TRAF3IP1: variants seen among roughly 807,000 people sequenced by gnomAD.
TRAF3IP1 encodes intraflagellar transport 54.
Under a neutral mutation model 89.9 loss-of-function variants are expected in TRAF3IP1, and 53 were observed. The ratio of observed to expected loss-of-function variants is 0.59; its 90% CI spans 0.47 to 0.74. The LOEUF (loss-of-function observed/expected upper bound fraction) is 0.74, where lower values mean the gene tolerates loss of function less well. Ranked by LOEUF, TRAF3IP1 falls within the 30% of genes least tolerant of loss-of-function variation. The pLI is 0.00. For synonymous variants in TRAF3IP1, 311 were observed against 322.1 expected, an observed-to-expected ratio of 0.97 and a Z score of 0.37; for missense variants, 806 against 866.1, an observed-to-expected ratio of 0.93 and a Z score of 0.87.
intron 7 of TRAF3IP1, among the ~76,000 whole-genome samples, chr2:238,338,048 C>T (rs2106376718): frequency 6.6e-6 from 1 of 152,206 alleles, no homozygotes; most frequent in Non-Finnish European, 1.5e-5. Context: ...CCAGAGCTTG[C>T]TGTGGTCCCC....
At chr2:238,344,671 C>G (rs988706957) in intron 9 of TRAF3IP1, 73 bp downstream of exon 9, 3 of 1,337,966 alleles carry the variant, frequency 2.2e-6, no homozygotes, top group Middle Eastern at 1.8e-4. Context: ...TCTCAAAGGG[C>G]CGCAGCCCAG....
chr2:238,389,844 T>C (rs542628175), intron 15 of TRAF3IP1, among the ~76,000 whole-genome samples: 3 of 152,086 alleles, frequency 2.0e-5, no homozygotes, highest in Admixed American at 2.0e-4. Flanking sequence ...ATAATGTGTA[T>C]TTATATGACT....
chr2:238,370,462 CAT>C (rs966390079), intron 15 of TRAF3IP1, among the ~76,000 whole-genome samples: 5 of 152,092 alleles, frequency 3.3e-5, no homozygotes, highest in South Asian at 2.1e-4. Context: ...TGTGTGTGTA[CAT>C]GTGTGTGTGC....
intron 6 of TRAF3IP1, among the ~76,000 whole-genome samples, chr2:238,333,726 T>C (rs1698239396): frequency 6.6e-6 from 1 of 152,174 alleles, no homozygotes; most frequent in South Asian, 2.1e-4. Context: ...TTGACCTTTT[T>C]AGGGCTGTAC....
At position 238,340,819 on chromosome 2, in the gene TRAF3IP1, G is replaced by A. The variant is rs1209114501; in HGVS notation, c.1159+2362G>A. 5.3e-5 allele frequency among the ~76,000 whole-genome samples: 5 copies of A among 94,092 alleles called. No individual in the cohort carries two copies. In the East Asian group the frequency reaches 1.2e-3, roughly 22 times the overall value. 61.7% of individuals were successfully genotyped at this position (94,092 alleles called of 152,430 possible). ...GCTTAATGTACAGTTATGCGTGTGT[G>A]TGTGTGTGTGTGTGTATATATATAT... On this transcript the variant is annotated intron_variant, in intron 8 of 16. Coordinates refer to ENST00000373327, the MANE Select transcript of TRAF3IP1 (RefSeq NM_015650.4).
chr2:238,325,178 T>C lies in TRAF3IP1; in HGVS notation c.124-128T>C, dbSNP rs1212829997. The C allele has an allele frequency of 2.7e-5, 24 of 903,648 alleles. No individual in the cohort carries two copies. The East Asian group carries it at 5.9e-4, about 22-fold the overall frequency. 56.0% of individuals were successfully genotyped at this position (903,648 alleles called of 1,614,324 possible). A position where few individuals can be genotyped will look rare whatever the true frequency, so the allele number is the denominator to read the frequency against. On this transcript the variant is annotated intron_variant, in intron 1 of 16. Coordinates refer to ENST00000373327, the MANE Select transcript of TRAF3IP1 (RefSeq NM_015650.4). Reference sequence around the variant, plus strand: ...ACGTGTAGTAGACATCAAATATTTCTTAAGTGGATGATTCAAATCTGGGCT... The same window carrying C: ...ACGTGTAGTAGACATCAAATATTTCCTAAGTGGATGATTCAAATCTGGGCT...
At chr2:238,385,151 G>T (rs993246161) in intron 15 of TRAF3IP1, among the ~76,000 whole-genome samples, 4 of 152,092 alleles carry the variant, frequency 2.6e-5, no homozygotes, top group African/African-American at 9.7e-5. Flanking sequence ...GAGTAGCTGG[G>T]ACTACAGGTG....
intron 8 of TRAF3IP1, 127 bp from the exon 9 acceptor site, chr2:238,344,370 T>G: frequency 1.3e-6 from 1 of 743,192 alleles, no homozygotes; most frequent in Non-Finnish European, 2.2e-6. Context: ...GGTCAGTCCT[T>G]TGTCAGTCCT....
Position 238,351,866 on chromosome 2 carries a change from T to TGTGTGTGTGTGTGTGTGTGTGC in TRAF3IP1, c.1452-960_1452-959insTGTGTGTGTGTGTGTGTGTGCG, listed in dbSNP as rs1421537563. 7.8e-6 allele frequency among the ~76,000 whole-genome samples: 1 copy of TGTGTGTGTGTGTGTGTGTGTGC among 128,192 alleles called. No homozygotes were observed. Among genetic ancestry groups the TGTGTGTGTGTGTGTGTGTGTGC allele is most frequent in the African/African-American group, 3.4e-5 (1 of 29,416 alleles). 84.1% of individuals were successfully genotyped at this position (128,192 alleles called of 152,430 possible). A position where few individuals can be genotyped will look rare whatever the true frequency, so the allele number is the denominator to read the frequency against. ...GTGTGTGTGTGTGTGTGTGTGTGTG[T>TGTGTGTGTGTGTGTGTGTGTGC]GCGCGCGCGCGCGTGTGCGTGCATG... On this transcript the variant is annotated intron_variant, in intron 12 of 16. Coordinates refer to ENST00000373327, the MANE Select transcript of TRAF3IP1 (RefSeq NM_015650.4). The surrounding 1 kb of genome is among the most constrained non-coding windows in gnomAD (Gnocchi z 5.2).
At chr2:238,393,630 T>C (rs1430995727) in intron 15 of TRAF3IP1, among the ~76,000 whole-genome samples, 2 of 152,196 alleles carry the variant, frequency 1.3e-5, no homozygotes, top group Non-Finnish European at 2.9e-5. Context: ...GTTTTATAGA[T>C]TATATTTAAA....
In TRAF3IP1 at chr2:238,392,957, C is replaced by T. The variant is rs529384907; in HGVS notation, c.1690-4502C>T. 8.5e-5 allele frequency among the ~76,000 whole-genome samples: 13 copies of T among 152,348 alleles called. No homozygotes were observed. The South Asian group carries it at 2.5e-3, about 29-fold the overall frequency. ...AGTTAACCAATTACCTATCGAAGGA[C>T]ACGGGGGTTGTTTCCAGTTTGTGGC... On this transcript the variant is annotated intron_variant, in intron 15 of 16. Transcript: ENST00000373327.
chr2:238,371,044 G>A lies in TRAF3IP1; in HGVS notation c.1689+14964G>A, dbSNP rs570846133. 2.6e-5 allele frequency among the ~76,000 whole-genome samples: 4 copies of A among 152,302 alleles called. No individual in the cohort carries two copies. In the South Asian group the frequency reaches 6.2e-4, roughly 24 times the overall value. Reference sequence around the variant, plus strand: ...TTCTGCCACAATTTGGACATTTGTCGTTTGGACAGTAATATAGATTTCTGA... The same window carrying A: ...TTCTGCCACAATTTGGACATTTGTCATTTGGACAGTAATATAGATTTCTGA... On this transcript the variant is annotated intron_variant, in intron 15 of 16. Coordinates refer to ENST00000373327, the MANE Select transcript of TRAF3IP1 (RefSeq NM_015650.4).
rs926309920 is a variant in TRAF3IP1 at position 238,351,294 on chromosome 2, G to T, written c.1452-1533G>T. Among the ~76,000 whole-genome samples, 1 of 151,744 alleles carries T rather than the reference G, an allele frequency of 6.6e-6. No homozygotes were observed. Among genetic ancestry groups the T allele is most frequent in the Non-Finnish European group, 1.5e-5 (1 of 67,918 alleles). ...ACCGTTGGTGAGAGTGGCGGGTCCA[G>T]GAGGACTGGGTGGGACCATGGGTTG... On this transcript the variant is annotated intron_variant, in intron 12 of 16. Coordinates refer to ENST00000373327, the MANE Select transcript of TRAF3IP1 (RefSeq NM_015650.4). This position sits in a 1 kb window ranked among gnomAD's most constrained non-coding sequence, Gnocchi z 5.2.
intron 15 of TRAF3IP1, among the ~76,000 whole-genome samples, chr2:238,394,416 G>A: frequency 6.6e-6 from 1 of 152,126 alleles, no homozygotes; most frequent in Non-Finnish European, 1.5e-5. Context: ...CCATTCCATG[G>A]ACACAGTGTG....
At chr2:238,347,614 C>T (rs1698953295) in intron 10 of TRAF3IP1, 139 bp downstream of exon 10, 2 of 772,796 alleles carry the variant, frequency 2.6e-6, no homozygotes, top group Non-Finnish European at 4.2e-6. Context: ...TCATAACTAC[C>T]CTAATGTATT....
At chr2:238,368,531 G>T (rs1168744552) in intron 15 of TRAF3IP1, among the ~76,000 whole-genome samples, 1 of 152,056 alleles carries the variant, frequency 6.6e-6, no homozygotes, top group Non-Finnish European at 1.5e-5. Flanking sequence ...CAGAGGGCAG[G>T]ACTGACATTC....
chr2:238,353,897 A>C (rs1016421286), intron 14 of TRAF3IP1, among the ~76,000 whole-genome samples: 8 of 152,056 alleles, frequency 5.3e-5, no homozygotes, highest in Non-Finnish European at 1.2e-4. Context: ...CCTCAGCCTC[A>C]CAAGTAGCTG....
chr2:238,397,357 G>A (rs1701272395), intron 15 of TRAF3IP1, 102 bp from the exon 16 acceptor site: 4 of 973,128 alleles, frequency 4.1e-6, no homozygotes, highest in South Asian at 1.5e-5. Context: ...CTCTGCCTGC[G>A]CCTTTCCTCC....
rs1697469927 is a variant in TRAF3IP1, at chr2:238,320,593, A to C, written c.-70A>C. ...GGCGGCGGCGGGGCCGGCGGCGGCC[A>C]GGGACCCGGGCTTAGGCTCGGCCAG... is the stretch of plus-strand genomic sequence containing the variant. On this transcript the variant is annotated 5_prime_UTR_variant, in exon 1 of 17. Transcript: ENST00000373327. 4 of 1,106,338 alleles carry C rather than the reference A, an allele frequency of 3.6e-6. No individual in the cohort carries two copies. In the African/African-American group the frequency reaches 5.0e-5, roughly 14 times the overall value. 68.5% of individuals were successfully genotyped at this position (1,106,338 alleles called of 1,614,324 possible). A position where few individuals can be genotyped will look rare whatever the true frequency, so the allele number is the denominator to read the frequency against.
Sources: allele counts gnomAD v4.1 joint callset (sites outside exome capture counted in the v4.1 genomes callset), GRCh38; gene constraint gnomAD v4.1.1; non-coding constraint Gnocchi (gnomAD v3.1); transcripts MANE v1.5; gene names NCBI Gene and HGNC (gene_info 2026-07-23, HGNC 2026-07-21).